AGFG1: variants seen among roughly 807,000 people sequenced by gnomAD.
AGFG1 encodes the protein ArfGAP with FG repeats 1, also known as arf-GAP domain and FG repeat-containing protein 1.
In AGFG1, 10 loss-of-function variants were observed where a neutral mutation model predicts 60.6. The observed-to-expected ratio is 0.16, with a 90% CI of 0.10 to 0.28. The LOEUF is 0.28. Among genes scored for constraint, AGFG1 ranks in the 10% least tolerant of loss-of-function variants. The pLI, the probability that AGFG1 is intolerant of heterozygous loss-of-function variation, is 1.00. For synonymous variants in AGFG1, 247 were observed against 242.9 expected, an observed-to-expected ratio of 1.02 and a Z score of -0.16; for missense variants, 537 against 676.5, an observed-to-expected ratio of 0.79 and a Z score of 2.29.
At chr2:227,539,338 G>A (rs1177489411) in intron 10 of AGFG1, among the ~76,000 whole-genome samples, 2 of 151,882 alleles carry the variant, frequency 1.3e-5, no homozygotes, top group East Asian at 3.9e-4. Context: ...AGCTACTTGG[G>A]AGGCTGAGGC....
rs1315006288 is a variant in AGFG1, at chr2:227,523,691, A to G, written c.378-72A>G. ...TGAAACAATCTTGTACAAAGTTAGA[A>G]TTAAGCTTATCATTTTTTGATATAG... is the stretch of plus-strand genomic sequence containing the variant. On this transcript the variant is annotated intron_variant, in intron 3 of 12. Coordinates refer to ENST00000310078, the MANE Select transcript of AGFG1 (RefSeq NM_004504.5). 3 of 1,417,200 alleles carry G rather than the reference A, an allele frequency of 2.1e-6. No homozygotes were observed. The African/African-American group carries it at 4.3e-5, about 20-fold the overall frequency. 87.8% of individuals were successfully genotyped at this position (1,417,200 alleles called of 1,614,324 possible). A position where few individuals can be genotyped will look rare whatever the true frequency, so the allele number is the denominator to read the frequency against.
intron 1 of AGFG1, among the ~76,000 whole-genome samples, chr2:227,478,008 T>G (rs537834256): frequency 6.6e-6 from 1 of 152,250 alleles, no homozygotes; most frequent in South Asian, 2.1e-4. Flanking sequence ...AAATGTGTGT[T>G]CTTATTTTTG....
chr2:227,510,334 T>C (rs1559179790), intron 2 of AGFG1, among the ~76,000 whole-genome samples: 1 of 152,170 alleles, frequency 6.6e-6, no homozygotes, highest in Non-Finnish European at 1.5e-5. Flanking sequence ...TAGTGACTTA[T>C]CAGGTCCTGT....
chr2:227,472,755 C>T lies in AGFG1; in HGVS notation c.167+167C>T, dbSNP rs999828979. 4.6e-5 allele frequency among the ~76,000 whole-genome samples: 7 copies of T among 150,790 alleles called. No homozygotes were observed. The East Asian group carries it at 1.4e-3, about 30-fold the overall frequency. ...CGGGCGCGGCGTGGGAGGCTGCGGG[C>T]TGGATGCGCAGGGCCCGGGCAGCCG... On this transcript the variant is annotated intron_variant, in intron 1 of 12. Transcript: ENST00000310078.
intron 2 of AGFG1, among the ~76,000 whole-genome samples, chr2:227,504,940 T>G (rs1691265152): frequency 6.6e-6 from 1 of 152,238 alleles, no homozygotes; most frequent in Admixed American, 6.5e-5. Flanking sequence ...ATGACAATTA[T>G]AGCTCTGTGA....
rs1228601853 is a variant in AGFG1 at position 227,560,632 on chromosome 2, A to G, written c.*6137A>G. ...GTTGGTATCGTGCCTTTCCTTATCTACATTAGCTTAGACTATACCTTATTT... is the reference window on the plus strand; with the variant it reads ...GTTGGTATCGTGCCTTTCCTTATCTGCATTAGCTTAGACTATACCTTATTT... On this transcript the variant is annotated 3_prime_UTR_variant, in exon 13 of 13. Transcript: ENST00000310078. 1.3e-5 allele frequency: 2 copies of G among 152,120 alleles called. No individual in the cohort carries two copies. Among genetic ancestry groups the G allele is most frequent in the African/African-American group, 2.4e-5 (1 of 41,448 alleles). 9.4% of individuals were successfully genotyped at this position (152,120 alleles called of 1,614,324 possible).
At chr2:227,482,383 G>A (rs190899162) in intron 1 of AGFG1, among the ~76,000 whole-genome samples, 1 of 152,236 alleles carries the variant, frequency 6.6e-6, no homozygotes, top group East Asian at 1.9e-4. Flanking sequence ...CTGGATAGAC[G>A]AATATTTTGG....
chr2:227,484,706 T>G (rs1254593891), intron 1 of AGFG1, among the ~76,000 whole-genome samples: 8 of 70,504 alleles, frequency 1.1e-4, no homozygotes, highest in African/African-American at 1.6e-4. Context: ...TTTTTTTTTT[T>G]TTTTTTTTTT....
chr2:227,492,172 T>G (rs1690839151), intron 2 of AGFG1, among the ~76,000 whole-genome samples: 1 of 152,146 alleles, frequency 6.6e-6, no homozygotes, highest in Non-Finnish European at 1.5e-5. Context: ...ATGGAAGCTT[T>G]TTTTCTTCTT....
chr2:227,506,801 T>C (rs573249685), intron 2 of AGFG1, among the ~76,000 whole-genome samples: 5 of 152,296 alleles, frequency 3.3e-5, no homozygotes, highest in East Asian at 1.9e-4. Flanking sequence ...CTCATTCTTA[T>C]TCTCTGCCCT....
chr2:227,543,356 C>T (rs868759763), intron 10 of AGFG1, among the ~76,000 whole-genome samples: 50 of 152,254 alleles, frequency 3.3e-4, no homozygotes, highest in Middle Eastern at 3.4e-3. Context: ...TATGTTGTGT[C>T]TTTGTTCTCA....
At chr2:227,531,424 A>G (rs990913395) in intron 6 of AGFG1, among the ~76,000 whole-genome samples, 2 of 151,722 alleles carry the variant, frequency 1.3e-5, no homozygotes, top group Non-Finnish European at 2.9e-5. Flanking sequence ...GTTTGACAAC[A>G]TCCATTCTCC....
chr2:227,481,562 A>G (rs1023500915), intron 1 of AGFG1, among the ~76,000 whole-genome samples: 1 of 152,088 alleles, frequency 6.6e-6, no homozygotes, highest in Non-Finnish European at 1.5e-5. Flanking sequence ...TTTCTCCATA[A>G]AGTCACTTAC....
chr2:227,513,357 G>A (rs35511227), intron 2 of AGFG1, among the ~76,000 whole-genome samples: 10,962 of 152,228 alleles, frequency 0.072, 527 homozygotes, highest in Admixed American at 0.11. Context: ...TGGGCTTCTT[G>A]TCCCTGCTTT....
chr2:227,554,470 G>C lies in AGFG1; in HGVS notation c.1664G>C (p.Ser555Thr). 1 of 1,613,586 alleles carries C rather than the reference G, an allele frequency of 6.2e-7. No individual in the cohort carries two copies. The highest frequency in any genetic ancestry group is 8.5e-7 in the Non-Finnish European group (1 of 1,179,746). ...CCAACAGGACAATTTCCAACAGGAA[G>C]CTCATCAACCAATCCTTTCTTATAG... The part of the protein sequence containing the change: ...GAPTGQFPTG[S>T]SSTNPFL Residue 555 changes from serine to threonine, a missense_variant, in exon 13 of 13, where the codon AGC (serine) becomes ACC (threonine). By Grantham distance (58) the Ser-to-Thr change is moderately conservative. Transcript: ENST00000310078.
chr2:227,524,937 C>T (rs761355360), intron 5 of AGFG1, 22 bp downstream of exon 5: 56 of 1,612,536 alleles, frequency 3.5e-5, no homozygotes, highest in South Asian at 1.4e-4. Context: ...TTCCCAACAG[C>T]TTTTGCTGGG....
rs1181384891 is a variant in AGFG1 at position 227,558,161 on chromosome 2, G to T, written c.*3666G>T. The T allele has an allele frequency of 2.6e-5, 4 of 152,154 alleles. No individual in the cohort carries two copies. Among genetic ancestry groups the T allele is most frequent in the African/African-American group, 9.7e-5 (4 of 41,428 alleles). The allele number at this position is 152,154 out of a possible 1,614,324, so 9.4% of individuals were successfully genotyped here. A position where few individuals can be genotyped will look rare whatever the true frequency, so the allele number is the denominator to read the frequency against. ...TTCATCTCTTACAATCCCTGCAGTGGACCTATACTTTTAGGATGAAAGAAG... is the reference window on the plus strand; with the variant it reads ...TTCATCTCTTACAATCCCTGCAGTGTACCTATACTTTTAGGATGAAAGAAG... On this transcript the variant is annotated 3_prime_UTR_variant, in exon 13 of 13. Transcript: ENST00000310078.
intron 2 of AGFG1, among the ~76,000 whole-genome samples, chr2:227,501,591 A>G (rs1691158297): frequency 6.6e-6 from 1 of 151,986 alleles, no homozygotes; most frequent in Non-Finnish European, 1.5e-5. Context: ...CCTTCCCTGA[A>G]TTTTTTGAGA....
intron 10 of AGFG1, 50 bp downstream of exon 10, chr2:227,537,043 A>C (rs768996789): frequency 6.7e-7 from 1 of 1,498,238 alleles, no homozygotes; most frequent in African/African-American, 1.4e-5. Context: ...GACATTTATC[A>C]ACAAAGACAC....
Sources: gnomAD v4.1 joint callset for allele counts (sites outside exome capture counted in the v4.1 genomes callset) on GRCh38, gnomAD v4.1.1 for gene constraint, MANE v1.5 for transcripts, NCBI Gene and HGNC (gene_info 2026-07-23, HGNC 2026-07-21) for gene names.